The following GET3 variants were observed in gnomAD, a reference collection of about 807,000 sequenced individuals.
GET3 encodes the protein guided entry of tail-anchored proteins factor 3, ATPase, also known as ATPase GET3.
Under a neutral mutation model 32.4 loss-of-function variants are expected in GET3, and 15 were observed. That is an observed-to-expected ratio of 0.46 (90% CI 0.31 to 0.71). The LOEUF (loss-of-function observed/expected upper bound fraction) is 0.71, where lower values mean the gene tolerates loss of function less well. Ranked by LOEUF, GET3 falls within the 30% of genes least tolerant of loss-of-function variation. The probability of loss-of-function intolerance (pLI) is 0.05; values close to 1 mark genes in which losing one functional copy is unlikely to be tolerated. For missense variants in GET3, 333 were observed against 459.0 expected (o/e 0.73, Z 2.51); for synonymous variants, 198 against 185.6 (o/e 1.07, Z -0.54).
intron 2 of GET3, among the ~76,000 whole-genome samples, chr19:12,742,230 T>C (rs541488034): frequency 4.0e-4 from 58 of 146,186 alleles, no homozygotes; most frequent in African/African-American, 1.4e-3. Context: ...TGAGATGGTA[T>C]CTTTTTTTTT....
chr19:12,746,579 A>G (rs1005581638), intron 4 of GET3, among the ~76,000 whole-genome samples: 3 of 152,208 alleles, frequency 2.0e-5, no homozygotes, highest in Non-Finnish European at 2.9e-5. Flanking sequence ...CTGAGCACTT[A>G]CTGTGTGCCA....
chr19:12,742,604 C>T (rs573200535), intron 2 of GET3, among the ~76,000 whole-genome samples: 5 of 151,990 alleles, frequency 3.3e-5, no homozygotes, highest in African/African-American at 4.8e-5. Context: ...TTAGTAGAGA[C>T]GGGGTTTCAC....
At chr19:12,737,287 C>A, upstream of GET3, 1 of 590,080 alleles carries the variant, frequency 1.7e-6, no homozygotes, top group Non-Finnish European at 2.7e-6. Flanking sequence ...CCGATGTGTT[C>A]ATTAGGTAGG....
In GET3 at chr19:12,747,915, T is replaced by A. The variant is rs1282416355; in HGVS notation, c.916-58T>A. ...CTTTACCGCTTCTATTGATCCACACTCTGTCTCTGCCTTCCTGCCCCCTGA... is the reference window on the plus strand; with the variant it reads ...CTTTACCGCTTCTATTGATCCACACACTGTCTCTGCCTTCCTGCCCCCTGA... On this transcript the variant is annotated intron_variant, in intron 6 of 6. Coordinates refer to ENST00000357332, the MANE Select transcript of GET3 (RefSeq NM_004317.4). The surrounding 1 kb of genome is among the most constrained non-coding windows in gnomAD (Gnocchi z 4.0). The A allele has an allele frequency of 1.4e-5, 21 of 1,508,952 alleles. No individual in the cohort carries two copies. Among genetic ancestry groups the A allele is most frequent in the Admixed American group, 2.0e-5 (1 of 50,264 alleles). The allele number at this position is 1,508,952 out of a possible 1,614,324, so 93.5% of individuals were successfully genotyped here. A position where few individuals can be genotyped will look rare whatever the true frequency, so the allele number is the denominator to read the frequency against.
intron 2 of GET3, among the ~76,000 whole-genome samples, chr19:12,739,997 C>T (rs1331982943): frequency 2.6e-5 from 4 of 151,754 alleles, no homozygotes; most frequent in African/African-American, 9.7e-5. Context: ...CCTGCCTCAG[C>T]CTCCGGAGTT....
intron 2 of GET3, 90 bp downstream of exon 2, chr19:12,738,748 C>A (rs1967615593): frequency 2.0e-6 from 3 of 1,508,732 alleles, no homozygotes; most frequent in Non-Finnish European, 2.7e-6. Flanking sequence ...CGTGTCCTAT[C>A]CACTCTATAT....
rs1445867074 is a variant in GET3 at position 12,738,549 on chromosome 19, G to A, written c.200G>A (p.Ser67Asn). The A allele has an allele frequency of 6.2e-7, 1 of 1,614,158 alleles. No homozygotes were observed. The highest frequency in any genetic ancestry group is 8.5e-7 in the Non-Finnish European group (1 of 1,180,038). ...GTCCAGCTCTCCAAGGGGCGTGAGAGTGTTCTGATCATCTCCACAGACCCA... is the reference window on the plus strand; with the variant it reads ...GTCCAGCTCTCCAAGGGGCGTGAGAATGTTCTGATCATCTCCACAGACCCA... The part of the protein sequence containing the change: ...LAVQLSKGRE[S>N]VLIISTDPAH... Residue 67 changes from serine to asparagine, a missense_variant, in exon 2 of 7, where the codon AGT becomes AAT. Ser to Asn is a conservative substitution (Grantham distance 46). Transcript: ENST00000357332.
chr19:12,737,704 A>C (rs1967599429), intron 1 of GET3, 38 bp downstream of exon 1: 2 of 1,575,162 alleles, frequency 1.3e-6, no homozygotes, highest in South Asian at 1.2e-5. Context: ...GGCGTGTAGG[A>C]TATACCACTG....
At chr19:12,741,407 G>C (rs1426571748) in intron 2 of GET3, among the ~76,000 whole-genome samples, 1 of 151,026 alleles carries the variant, frequency 6.6e-6, no homozygotes, top group Non-Finnish European at 1.5e-5. Context: ...AGTGAGCCTA[G>C]ATCGCGCCAC....
chr19:12,746,826 A>T (rs1341073532), intron 4 of GET3, among the ~76,000 whole-genome samples: 1 of 152,038 alleles, frequency 6.6e-6, no homozygotes, highest in Non-Finnish European at 1.5e-5. Context: ...CCTGGCCAAA[A>T]TGGTGAAACC....
At chr19:12,746,681 G>A (rs1024393798) in intron 4 of GET3, among the ~76,000 whole-genome samples, 2 of 152,164 alleles carry the variant, frequency 1.3e-5, no homozygotes, top group South Asian at 2.1e-4. Context: ...GAGGCTCCAG[G>A]AGGGTCAAGC....
At position 12,747,842 on chromosome 19, in the gene GET3, C is replaced by A; in HGVS notation, c.916-131C>A. ...GTGATGCAGCTCCCACTTATGACAC[C>A]TTAAGCTCCTGCCCTATATTCTCTC... On this transcript the variant is annotated intron_variant, in intron 6 of 6. Transcript: ENST00000357332. The surrounding 1 kb of genome is among the most constrained non-coding windows in gnomAD (Gnocchi z 4.0). The A allele has an allele frequency of 9.2e-7, 1 of 1,086,784 alleles. No homozygotes were observed. The highest frequency in any genetic ancestry group is 1.5e-5 in the South Asian group (1 of 66,906). The allele number at this position is 1,086,784 out of a possible 1,614,324, so 67.3% of individuals were successfully genotyped here.
chr19:12,745,412 T>C lies in GET3; in HGVS notation c.345T>C (p.Pro115=), dbSNP rs764629493. 6.2e-7 allele frequency: 1 copy of C among 1,612,310 alleles called. No homozygotes were observed. Among genetic ancestry groups the C allele is most frequent in the Non-Finnish European group, 8.5e-7 (1 of 1,179,968 alleles). ...IDPSLGVAEL[P]DEFFEEDNML... ...CCAGCCTGGGCGTGGCGGAGCTGCC[T>C]GACGAGTTCTTCGAGGAGGACAACA... is the stretch of plus-strand genomic sequence containing the variant. The change falls in exon 3 of 7, where the codon CCT becomes CCC. Residue 115 remains proline (P), a synonymous_variant. Transcript: ENST00000357332. This position sits in a 1 kb window ranked among gnomAD's most constrained non-coding sequence, Gnocchi z 5.0.
Position 12,747,601 on chromosome 19 carries a change from AC to A in GET3, c.915+12del. The A allele has an allele frequency of 6.2e-7, 1 of 1,610,784 alleles. No homozygotes were observed. Among genetic ancestry groups the A allele is most frequent in the South Asian group, 1.1e-5 (1 of 90,834 alleles). On this transcript the variant is annotated intron_variant, in intron 6 of 6. Transcript: ENST00000357332. This position sits in a 1 kb window ranked among gnomAD's most constrained non-coding sequence, Gnocchi z 4.0. ...CCAAGTATCTGGACCAGGTGTGCCC[AC>A]CCACCCAGCACTGGCTCAGCAGAGG...
chr19:12,748,277 C>T lies in GET3; in HGVS notation c.*173C>T. The stretch of plus-strand genomic sequence containing the variant: ...GGCTGGTGGGGAGCTGTAGTTGCCC[C>T]CTACCTCTCCCACCTCTTGCTCTTC... On this transcript the variant is annotated 3_prime_UTR_variant, in exon 7 of 7. Transcript: ENST00000357332. The T allele has an allele frequency of 1.8e-6, 1 of 549,758 alleles. No homozygotes were observed. 34.1% of individuals were successfully genotyped at this position (549,758 alleles called of 1,614,324 possible).
chr19:12,747,237 A>G lies in GET3; in HGVS notation c.650A>G (p.Gln217Arg). 1 of 1,611,864 alleles carries G rather than the reference A, an allele frequency of 6.2e-7. No homozygotes were observed. Among genetic ancestry groups the G allele is most frequent in the Non-Finnish European group, 8.5e-7 (1 of 1,178,780 alleles). The change falls in exon 5 of 7, where the codon CAG becomes CGG. Residue 217 changes from glutamine (Q) to arginine (R), a missense_variant. Physicochemically the swap from Gln to Arg is conservative, Grantham distance 43. Coordinates refer to ENST00000357332, the MANE Select transcript of GET3 (RefSeq NM_004317.4). This position sits in a 1 kb window ranked among gnomAD's most constrained non-coding sequence, Gnocchi z 4.0. ...MLGLGDMNAD[Q>R]LASKLEETLP... ...GGCCTGGGGGACATGAACGCAGACC[A>G]GCTGGCCTCCAAGCTGGAGGAGACG...
chr19:12,739,861 T>C (rs1466009582), intron 2 of GET3, among the ~76,000 whole-genome samples: 2 of 151,788 alleles, frequency 1.3e-5, no homozygotes, highest in Non-Finnish European at 2.9e-5. Context: ...CTGGCCAACA[T>C]GGTGAAACCC....
intron 2 of GET3, among the ~76,000 whole-genome samples, chr19:12,740,599 C>T (rs577715345): frequency 3.3e-5 from 5 of 152,174 alleles, no homozygotes; most frequent in African/African-American, 4.8e-5. Context: ...ATGGCGTGAA[C>T]GCGGGAAGTG....
At chr19:12,738,716 G>T in intron 2 of GET3, 58 bp downstream of exon 2, 1 of 1,607,888 alleles carries the variant, frequency 6.2e-7, no homozygotes, top group African/African-American at 1.3e-5. Context: ...AGCCTTTCTT[G>T]TGCGCACACA....
Sources: gnomAD v4.1 joint callset for allele counts (sites outside exome capture counted in the v4.1 genomes callset) on GRCh38, gnomAD v4.1.1 for gene constraint, Gnocchi (gnomAD v3.1) non-coding constraint, MANE v1.5 for transcripts, NCBI Gene and HGNC (gene_info 2026-07-23, HGNC 2026-07-21) for gene names.